Variants in PPP3CC observed in about 807,000 individuals in gnomAD.
PPP3CC encodes protein phosphatase 3 catalytic subunit gamma.
In PPP3CC, 35 loss-of-function variants were observed where a neutral mutation model predicts 60.3. That is an observed-to-expected ratio of 0.58 (90% CI 0.44 to 0.77). PPP3CC has a LOEUF of 0.77. Ranked by LOEUF, PPP3CC falls within the 30% of genes least tolerant of loss-of-function variation. The probability of loss-of-function intolerance (pLI) is 0.00; values close to 1 mark genes in which losing one functional copy is unlikely to be tolerated. For missense variants in PPP3CC, 570 were observed against 628.9 expected (o/e 0.91, Z 1.00); for synonymous variants, 206 against 224.3 (o/e 0.92, Z 0.73).
chr8:22,513,268 C>G, intron 5 of PPP3CC, 25 bp from the exon 6 acceptor site: 1 of 1,593,554 alleles, frequency 6.3e-7, no homozygotes. Context: ...TGATTTTTTT[C>G]TTTTGGCTTT....
intron 1 of PPP3CC, among the ~76,000 whole-genome samples, chr8:22,444,896 A>C (rs186897019): frequency 6.6e-6 from 1 of 151,956 alleles, no homozygotes; most frequent in Non-Finnish European, 1.5e-5. Flanking sequence ...GTTTAAGGAC[A>C]TGTTTTTTCT....
At chr8:22,457,059 CTCCCTCCCTCCCTCCT>C (rs1837222731) in intron 1 of PPP3CC, among the ~76,000 whole-genome samples, 1 of 121,660 alleles carries the variant, frequency 8.2e-6, no homozygotes, top group Admixed American at 8.4e-5. Flanking sequence ...CTTCCCCTCC[CTCCCTCCCTCCCTCCT>C]TCCCTCCCTC....
At chr8:22,456,570 A>G (rs1157619886) in intron 1 of PPP3CC, among the ~76,000 whole-genome samples, 1 of 152,154 alleles carries the variant, frequency 6.6e-6, no homozygotes, top group African/African-American at 2.4e-5. Context: ...CAGGAAATTG[A>G]CATTGGTACA....
At chr8:22,475,187 A>G in intron 2 of PPP3CC, 36 bp downstream of exon 2, 1 of 1,535,788 alleles carries the variant, frequency 6.5e-7, no homozygotes, top group Non-Finnish European at 8.9e-7. Flanking sequence ...TTTTTACAGT[A>G]TAGATTTGCA....
At chr8:22,483,454 T>C (rs1464142940) in intron 3 of PPP3CC, among the ~76,000 whole-genome samples, 2 of 152,094 alleles carry the variant, frequency 1.3e-5, no homozygotes, top group Non-Finnish European at 2.9e-5. Context: ...GCCCGGCTAA[T>C]TTTTTGTATT....
intron 3 of PPP3CC, among the ~76,000 whole-genome samples, chr8:22,495,100 C>T (rs535482041): frequency 6.6e-6 from 1 of 151,816 alleles, no homozygotes; most frequent in South Asian, 2.1e-4. Flanking sequence ...GGCACGTGAC[C>T]ACCACATCTG....
intron 3 of PPP3CC, among the ~76,000 whole-genome samples, chr8:22,481,816 G>C (rs776797153): frequency 6.6e-6 from 1 of 151,964 alleles, no homozygotes; most frequent in Non-Finnish European, 1.5e-5. Flanking sequence ...TTAGTTTGTT[G>C]AGAGTGATGG....
intron 3 of PPP3CC, among the ~76,000 whole-genome samples, chr8:22,478,871 A>G (rs1837978065): frequency 6.6e-6 from 1 of 152,210 alleles, no homozygotes; most frequent in African/African-American, 2.4e-5. Flanking sequence ...GAATGAATGA[A>G]TGTTAATAAA....
At chr8:22,482,819 G>T (rs557796146) in intron 3 of PPP3CC, among the ~76,000 whole-genome samples, 1 of 152,132 alleles carries the variant, frequency 6.6e-6, no homozygotes, top group Non-Finnish European at 1.5e-5. Context: ...ATTCAGCTAC[G>T]TCAAGAAAAG....
At chr8:22,450,071 A>G (rs987426531) in intron 1 of PPP3CC, among the ~76,000 whole-genome samples, 1 of 151,908 alleles carries the variant, frequency 6.6e-6, no homozygotes, top group Non-Finnish European at 1.5e-5. Context: ...GGGTTTCACC[A>G]TGTTGGTCAG....
At chr8:22,533,622 C>T (rs988631266) in intron 12 of PPP3CC, among the ~76,000 whole-genome samples, 9 of 151,464 alleles carry the variant, frequency 5.9e-5, no homozygotes, top group African/African-American at 2.2e-4. Context: ...GTCAGGAGTT[C>T]GAGACCAGCC....
intron 1 of PPP3CC, among the ~76,000 whole-genome samples, chr8:22,450,148 C>A (rs1047382239): frequency 6.6e-6 from 1 of 152,038 alleles, no homozygotes; most frequent in Non-Finnish European, 1.5e-5. Context: ...GGATTACAGG[C>A]GTGAGCCACC....
chr8:22,462,059 A>G (rs73546063), intron 1 of PPP3CC, among the ~76,000 whole-genome samples: 1,767 of 152,140 alleles, frequency 0.012, 37 homozygotes, highest in African/African-American at 0.04. Context: ...ACTTAGTGAG[A>G]CCTCAGTCTT....
intron 1 of PPP3CC, among the ~76,000 whole-genome samples, chr8:22,456,109 GAACAGAC>G (rs1586789620): frequency 6.6e-6 from 1 of 152,186 alleles, no homozygotes; most frequent in African/African-American, 2.4e-5. Flanking sequence ...TGAAAGCAGT[GAACAGAC>G]ATAGCTATTT....
At chr8:22,534,292 T>TA (rs766737811) in intron 12 of PPP3CC, among the ~76,000 whole-genome samples, 4 of 150,252 alleles carry the variant, frequency 2.7e-5, no homozygotes, top group Non-Finnish European at 1.5e-5. Context: ...CATGGTGACT[T>TA]ACACCTGTTA....
At chr8:22,488,187 G>A (rs1467637229) in intron 3 of PPP3CC, among the ~76,000 whole-genome samples, 1 of 152,070 alleles carries the variant, frequency 6.6e-6, no homozygotes, top group Admixed American at 6.5e-5. Flanking sequence ...GAAAAGAGAA[G>A]TGCATTCTAA....
rs551619904 is a variant in PPP3CC, at chr8:22,499,354, G to C, written c.484+1242G>C. Reference sequence around the variant, plus strand: ...CTCGGGAGGCTGAGGCAGGAGAATGGCGTGAACCCGGGAAGCGGAGCTTGC... The same window carrying C: ...CTCGGGAGGCTGAGGCAGGAGAATGCCGTGAACCCGGGAAGCGGAGCTTGC... On this transcript the variant is annotated intron_variant, in intron 4 of 13. Transcript: ENST00000240139. 1.1e-4 allele frequency among the ~76,000 whole-genome samples: 16 copies of C among 151,346 alleles called. No homozygotes were observed. In the South Asian group the frequency reaches 1.9e-3, roughly 18 times the overall value.
At chr8:22,484,952 A>T (rs1256737220) in intron 3 of PPP3CC, among the ~76,000 whole-genome samples, 1 of 152,200 alleles carries the variant, frequency 6.6e-6, no homozygotes, top group Non-Finnish European at 1.5e-5. Context: ...AGTGTTTTGT[A>T]GTGAGTCATT....
Position 22,449,247 on chromosome 8 carries a change from G to A in PPP3CC, c.49+7789G>A, listed in dbSNP as rs529599392. ...CTGGATCACTTGAGCTCAGGAATTC[G>A]AGACTAGCCTGGCAACATGGTGAAA... On this transcript the variant is annotated intron_variant, in intron 1 of 13. Transcript: ENST00000240139. Among the ~76,000 whole-genome samples the A allele has an allele frequency of 5.3e-5, 8 of 152,136 alleles. No homozygotes were observed. In the East Asian group the frequency reaches 1.4e-3, roughly 26 times the overall value.
Sources: gnomAD v4.1 joint callset for allele counts (sites outside exome capture counted in the v4.1 genomes callset) on GRCh38, gnomAD v4.1.1 for gene constraint, MANE v1.5 for transcripts, NCBI Gene and HGNC (gene_info 2026-07-23, HGNC 2026-07-21) for gene names.